IQSEC1: variants seen among roughly 807,000 people sequenced by gnomAD.
IQSEC1 encodes IQ motif and SEC7 domain-containing protein 1.
A neutral mutation model predicts 91.0 loss-of-function variants in IQSEC1; 31 were observed. The ratio of observed to expected loss-of-function variants is 0.34; its 90% CI spans 0.26 to 0.46. The LOEUF (loss-of-function observed/expected upper bound fraction) is 0.46. IQSEC1 is among the 20% of genes least tolerant of loss of function. The probability of loss-of-function intolerance (pLI) is 1.00; values close to 1 mark genes in which losing one functional copy is unlikely to be tolerated. For synonymous variants in IQSEC1, 699 were observed against 662.6 expected, an observed-to-expected ratio of 1.05 and a Z score of -0.84; for missense variants, 1,388 against 1,575.6, an observed-to-expected ratio of 0.88 and a Z score of 2.02.
chr3:13,130,648 G>T (rs910346561), intron 2 of IQSEC1, among the ~76,000 whole-genome samples: 4 of 151,896 alleles, frequency 2.6e-5, no homozygotes, highest in African/African-American at 9.7e-5. Flanking sequence ...AGTGAAAGAG[G>T]GGCACTGGCT....
At chr3:13,246,251 C>T (rs1038505676) in intron 1 of IQSEC1, among the ~76,000 whole-genome samples, 5 of 152,202 alleles carry the variant, frequency 3.3e-5, no homozygotes, top group African/African-American at 7.2e-5. Context: ...TAAAACAAGC[C>T]GATCACCAAA....
intron 1 of IQSEC1, among the ~76,000 whole-genome samples, chr3:13,199,370 C>T (rs1694194678): frequency 6.6e-6 from 1 of 152,214 alleles, no homozygotes; most frequent in South Asian, 2.1e-4. Flanking sequence ...TGGGCCAAAC[C>T]TCCACCCCAA....
chr3:12,900,943 G>A lies in IQSEC1; in HGVS notation c.*40C>T. ...CCCCCGGGCGTGCCCTGTGTGGTGTGCAGGTGTTTCAGGGAGCCTGGGACC... is the reference window on the plus strand; with the variant it reads ...CCCCCGGGCGTGCCCTGTGTGGTGTACAGGTGTTTCAGGGAGCCTGGGACC... On this transcript the variant is annotated 3_prime_UTR_variant, in exon 14 of 14. Transcript: ENST00000613206. 1 of 1,539,606 alleles carries A rather than the reference G, an allele frequency of 6.5e-7. No homozygotes were observed. The highest frequency in any genetic ancestry group is 8.7e-7 in the Non-Finnish European group (1 of 1,146,742).
At chr3:12,999,391 G>A (rs187708386) in intron 1 of IQSEC1, among the ~76,000 whole-genome samples, 93 of 152,274 alleles carry the variant, frequency 6.1e-4, no homozygotes, top group African/African-American at 2.1e-3. Flanking sequence ...CTCCCAGCTC[G>A]GCAGTGTGCT....
chr3:13,227,529 C>T (rs185778225), intron 1 of IQSEC1, among the ~76,000 whole-genome samples: 10 of 152,086 alleles, frequency 6.6e-5, no homozygotes, highest in African/African-American at 2.4e-4. Context: ...AGTGACACAT[C>T]GTGCAGGGGC....
chr3:12,930,516 CAGA>C (rs1250135248), intron 3 of IQSEC1, among the ~76,000 whole-genome samples: 2 of 152,172 alleles, frequency 1.3e-5, no homozygotes, highest in Non-Finnish European at 2.9e-5. Flanking sequence ...GCACAAGAGC[CAGA>C]AGGAGCCGAT....
intron 1 of IQSEC1, among the ~76,000 whole-genome samples, chr3:13,040,699 G>C (rs1704228416): frequency 6.6e-6 from 1 of 152,194 alleles, no homozygotes; most frequent in African/African-American, 2.4e-5. Flanking sequence ...ATGACCCAAA[G>C]ACACCCTTCC....
intron 1 of IQSEC1, among the ~76,000 whole-genome samples, chr3:13,206,905 G>A (rs1388145474): frequency 6.6e-6 from 1 of 152,152 alleles, no homozygotes; most frequent in African/African-American, 2.4e-5. Context: ...GAGGTCCTGG[G>A]TGGGTGAGTA....
At chr3:12,964,018 GGT>G (rs1205565642) in intron 1 of IQSEC1, among the ~76,000 whole-genome samples, 1 of 152,216 alleles carries the variant, frequency 6.6e-6, no homozygotes, top group African/African-American at 2.4e-5. Context: ...CAGGCATCGG[GGT>G]ACTAGCCACA....
rs1693880893 is a variant in IQSEC1, at chr3:13,183,489, C to T, written c.273-19356G>A. Among the ~76,000 whole-genome samples the T allele has an allele frequency of 4.0e-5, 6 of 151,402 alleles. No homozygotes were observed. The South Asian group carries it at 1.2e-3, about 31-fold the overall frequency. On this transcript the variant is annotated intron_variant, in intron 1 of 15. Coordinates refer to the IQSEC1 transcript ENST00000648114. ...GCTGAGGCAGGAGAATTGCTTGAAC[C>T]CGGGAGGCAGAGGTTGCAGTGAGCC...
intron 1 of IQSEC1, among the ~76,000 whole-genome samples, chr3:13,219,398 G>GC (rs921505357): frequency 6.6e-6 from 1 of 152,240 alleles, no homozygotes; most frequent in African/African-American, 2.4e-5. Flanking sequence ...CCACCCCACA[G>GC]CCCCCCAGGG....
chr3:13,061,634 G>A (rs1705071765), intron 1 of IQSEC1, among the ~76,000 whole-genome samples: 2 of 152,206 alleles, frequency 1.3e-5, no homozygotes, highest in South Asian at 2.1e-4. Flanking sequence ...CGTCCGGTGG[G>A]GGTGCTGGGC....
At chr3:12,980,323 C>A (rs1701389556) in intron 1 of IQSEC1, among the ~76,000 whole-genome samples, 1 of 152,228 alleles carries the variant, frequency 6.6e-6, no homozygotes, top group South Asian at 2.1e-4. Context: ...CCAAGTCAGC[C>A]TTTGGCTGGT....
intron 2 of IQSEC1, among the ~76,000 whole-genome samples, chr3:13,129,186 C>T (rs947145445): frequency 6.6e-6 from 1 of 152,144 alleles, no homozygotes; most frequent in Non-Finnish European, 1.5e-5. Context: ...TATCTATTTA[C>T]TATTGAGATT....
In IQSEC1 at chr3:12,993,681, C is replaced by T. The variant is rs534459876; in HGVS notation, c.24-51816G>A. On this transcript the variant is annotated intron_variant, in intron 1 of 13. Transcript: ENST00000613206. ...CTTCGGGATAAGCCGTCTGCATAGC[C>T]GCGGAGGTTGGGGCTTCTGCGTCCT... Among the ~76,000 whole-genome samples the T allele has an allele frequency of 7.5e-4, 114 of 152,364 alleles. 1 individual carries two copies. Among genetic ancestry groups the T allele is most frequent in the Middle Eastern group, 3.4e-3 (1 of 294 alleles).
chr3:13,132,014 T>A (rs1235379459), intron 2 of IQSEC1, among the ~76,000 whole-genome samples: 1 of 152,224 alleles, frequency 6.6e-6, no homozygotes, highest in African/African-American at 2.4e-5. Context: ...TTAATCAATT[T>A]TTCTCTTTAT....
At chr3:13,179,084 T>C (rs1274225022) in intron 1 of IQSEC1, among the ~76,000 whole-genome samples, 2 of 152,220 alleles carry the variant, frequency 1.3e-5, no homozygotes, top group Admixed American at 1.3e-4. Flanking sequence ...CATAAACCCC[T>C]AGTTTTAGTC....
At chr3:13,054,207 C>T (rs1704795783) in intron 1 of IQSEC1, among the ~76,000 whole-genome samples, 1 of 152,194 alleles carries the variant, frequency 6.6e-6, no homozygotes, top group Non-Finnish European at 1.5e-5. Context: ...CAGCCACAGT[C>T]TCTCCTTTAG....
intron 1 of IQSEC1, among the ~76,000 whole-genome samples, chr3:12,982,537 T>C (rs533585279): frequency 4.6e-5 from 7 of 152,324 alleles, no homozygotes; most frequent in East Asian, 1.9e-4. Flanking sequence ...TTGAGAAACA[T>C]TGCCATTAAA....
Sources: allele counts gnomAD v4.1 joint callset (sites outside exome capture counted in the v4.1 genomes callset), GRCh38; gene constraint gnomAD v4.1.1; transcripts MANE v1.5; gene names NCBI Gene and HGNC (gene_info 2026-07-23, HGNC 2026-07-21).